SOX5: variants seen among roughly 807,000 people sequenced by gnomAD.
The protein encoded by SOX5 is SRY-box transcription factor 5.
SOX5 carries 9 observed loss-of-function variants against 92.0 expected under a neutral mutation model. The observed-to-expected ratio is 0.10, with a 90% CI of 0.06 to 0.17. The LOEUF is 0.17. SOX5 is among the 10% of genes least tolerant of loss of function. The probability of loss-of-function intolerance (pLI) is 1.00; values close to 1 mark genes in which losing one functional copy is unlikely to be tolerated. For missense variants in SOX5, 642 were observed against 944.5 expected, an observed-to-expected ratio of 0.68 and a Z score of 4.20; for synonymous variants, 344 against 336.3, an observed-to-expected ratio of 1.02 and a Z score of -0.25.
At chr12:24,090,546 T>C (rs1032746467) in intron 4 of SOX5, among the ~76,000 whole-genome samples, 5 of 152,132 alleles carry the variant, frequency 3.3e-5, no homozygotes, top group Admixed American at 1.3e-4. Flanking sequence ...TACTGTACAG[T>C]CAAAGGAGCC....
intron 2 of SOX5, among the ~76,000 whole-genome samples, chr12:23,866,493 T>G (rs1160826931): frequency 2.6e-5 from 4 of 152,228 alleles, no homozygotes; most frequent in African/African-American, 9.6e-5. Flanking sequence ...CTTTAAAACT[T>G]CTGACTAGTT....
intron 4 of SOX5, among the ~76,000 whole-genome samples, chr12:23,981,156 T>A (rs2136164892): frequency 6.6e-6 from 1 of 151,816 alleles, no homozygotes; most frequent in East Asian, 1.9e-4. Context: ...TAGATCTAAT[T>A]CCACAATTCT....
chr12:23,755,316 T>C (rs956753201), intron 4 of SOX5, among the ~76,000 whole-genome samples: 2 of 151,938 alleles, frequency 1.3e-5, no homozygotes, highest in African/African-American at 4.8e-5. Flanking sequence ...TTAACCTTGC[T>C]ATAGGTACAT....
intron 2 of SOX5, among the ~76,000 whole-genome samples, chr12:23,873,229 T>C (rs1039123278): frequency 2.0e-5 from 3 of 152,130 alleles, no homozygotes; most frequent in African/African-American, 7.2e-5. Flanking sequence ...CCGTGGCTCA[T>C]GAGGCAGACA....
At chr12:23,627,745 C>G (rs960831394) in intron 8 of SOX5, among the ~76,000 whole-genome samples, 3 of 151,828 alleles carry the variant, frequency 2.0e-5, no homozygotes, top group Non-Finnish European at 4.4e-5. Context: ...GCTCATAACC[C>G]ATTATATCAA....
chr12:23,913,581 C>T (rs973141324), intron 1 of SOX5, among the ~76,000 whole-genome samples: 5 of 151,746 alleles, frequency 3.3e-5, no homozygotes, highest in African/African-American at 1.2e-4. Context: ...ACTAAAAATA[C>T]AAAAATTAGC....
chr12:24,292,518 GA>G (rs368715774), intron 2 of SOX5, among the ~76,000 whole-genome samples: 6 of 152,284 alleles, frequency 3.9e-5, no homozygotes, highest in African/African-American at 1.4e-4. Flanking sequence ...GGGGAAGACA[GA>G]AATTTTGTGA....
intron 2 of SOX5, among the ~76,000 whole-genome samples, chr12:24,355,679 G>A (rs1025722547): frequency 6.6e-6 from 1 of 152,082 alleles, no homozygotes; most frequent in African/African-American, 2.4e-5. Context: ...TCTGTTCAAA[G>A]GCAAACAAAA....
At chr12:24,501,180 G>A (rs1010990436) in intron 1 of SOX5, among the ~76,000 whole-genome samples, 2 of 152,152 alleles carry the variant, frequency 1.3e-5, no homozygotes, top group Non-Finnish European at 2.9e-5. Context: ...AACACAGCTT[G>A]CCACATGAGG....
rs1437290675 is a variant in SOX5 at position 23,570,922 on chromosome 12, AAAAAAAAAATATATATATATATATATAT to A, written c.1342+4711_1342+4738del. ...CAAGACTCCAACTCAAAAAAAAAAA[AAAAAAAAAATATATATATATATATATAT>A]ATATATATATATATATATATATATA... On this transcript the variant is annotated intron_variant, in intron 10 of 14. Transcript: ENST00000451604. Among the ~76,000 whole-genome samples the A allele has an allele frequency of 8.3e-4, 36 of 43,150 alleles. 2 individuals are homozygous for A. Among genetic ancestry groups the A allele is most frequent in the South Asian group, 6.5e-3 (8 of 1,222 alleles). The allele number at this position is 43,150 out of a possible 152,430, so 28.3% of individuals were successfully genotyped here.
intron 4 of SOX5, among the ~76,000 whole-genome samples, chr12:24,036,489 T>C (rs1199669185): frequency 6.6e-6 from 1 of 152,180 alleles, no homozygotes; most frequent in Non-Finnish European, 1.5e-5. Context: ...CGAATTGGTC[T>C]GTAATTTTTA....
chr12:23,887,368 G>T (rs547466020), intron 2 of SOX5, among the ~76,000 whole-genome samples: 2 of 152,114 alleles, frequency 1.3e-5, no homozygotes, highest in African/African-American at 2.4e-5. Flanking sequence ...AGCAAAGGAT[G>T]AAAATAATCA....
chr12:24,109,044 A>T (rs1565453320), intron 4 of SOX5, among the ~76,000 whole-genome samples: 1 of 152,170 alleles, frequency 6.6e-6, no homozygotes, highest in Admixed American at 6.5e-5. Context: ...GAATAGTAGC[A>T]TATTTGAAAC....
intron 1 of SOX5, among the ~76,000 whole-genome samples, chr12:24,505,852 T>TGCGC (rs1555327765): frequency 2.2e-4 from 32 of 146,328 alleles, no homozygotes; most frequent in Admixed American, 6.1e-4. Context: ...TGTGTGTGTG[T>TGCGC]GCGTGTGTGT....
chr12:24,099,712 C>G (rs1007363523), intron 4 of SOX5, among the ~76,000 whole-genome samples: 1 of 152,118 alleles, frequency 6.6e-6, no homozygotes, highest in African/African-American at 2.4e-5. Flanking sequence ...ATCCAAGCCA[C>G]TATCCTATTG....
At chr12:24,492,915 C>T (rs887469838) in intron 1 of SOX5, among the ~76,000 whole-genome samples, 7 of 152,140 alleles carry the variant, frequency 4.6e-5, no homozygotes, top group Middle Eastern at 3.4e-3. Context: ...GCCACTAAGC[C>T]TTTTGATGAC....
upstream of SOX5, among the ~76,000 whole-genome samples, chr12:23,952,252 T>C (rs1279040280): frequency 6.6e-6 from 1 of 152,000 alleles, no homozygotes; most frequent in African/African-American, 2.4e-5. Flanking sequence ...GGAGACATAG[T>C]GGCAGCATAA....
chr12:24,297,966 A>C (rs189706503), intron 2 of SOX5, among the ~76,000 whole-genome samples: 2 of 152,302 alleles, frequency 1.3e-5, no homozygotes, highest in Admixed American at 1.3e-4. Context: ...CTATTACTGA[A>C]AAGCTATTAA....
intron 6 of SOX5, among the ~76,000 whole-genome samples, chr12:23,719,673 C>T (rs999498751): frequency 6.6e-6 from 1 of 150,432 alleles, no homozygotes; most frequent in Non-Finnish European, 1.5e-5. Flanking sequence ...GGGACAATTG[C>T]TTGAGCCCTG....
Sources: gnomAD v4.1 joint callset for allele counts (sites outside exome capture counted in the v4.1 genomes callset) on GRCh38, gnomAD v4.1.1 for gene constraint, MANE v1.5 for transcripts, NCBI Gene and HGNC (gene_info 2026-07-23, HGNC 2026-07-21) for gene names.